Variants in NEGR1 observed in about 807,000 individuals in gnomAD.
The protein encoded by NEGR1 is neuronal growth regulator 1.
Under a neutral mutation model 40.9 loss-of-function variants are expected in NEGR1, and 10 were observed. The ratio of observed to expected loss-of-function variants is 0.24; its 90% CI spans 0.15 to 0.42. The LOEUF is 0.42. NEGR1 is among the 10% of genes least tolerant of loss of function. The probability of loss-of-function intolerance (pLI) is 1.00; values close to 1 mark genes in which losing one functional copy is unlikely to be tolerated. For synonymous variants in NEGR1, 185 were observed against 166.8 expected (o/e 1.11, Z -0.84); for missense variants, 352 against 438.9 (o/e 0.80, Z 1.77).
chr1:71,985,802 A>C (rs1035148904), intron 1 of NEGR1, among the ~76,000 whole-genome samples: 4 of 152,178 alleles, frequency 2.6e-5, no homozygotes, highest in African/African-American at 9.7e-5. Flanking sequence ...GACATCTAGA[A>C]AATTAGGATA....
At chr1:72,096,301 A>G (rs1047698990) in intron 1 of NEGR1, among the ~76,000 whole-genome samples, 1 of 152,156 alleles carries the variant, frequency 6.6e-6, no homozygotes, top group African/African-American at 2.4e-5. Context: ...AAATTTGCGC[A>G]GAGAAGATAG....
At chr1:71,773,829 C>T (rs1354455145) in intron 3 of NEGR1, among the ~76,000 whole-genome samples, 3 of 152,062 alleles carry the variant, frequency 2.0e-5, no homozygotes, top group African/African-American at 7.2e-5. Flanking sequence ...TGATGTTATC[C>T]GTTATCATTA....
At chr1:71,944,113 T>C (rs1269101716) in intron 1 of NEGR1, among the ~76,000 whole-genome samples, 1 of 152,200 alleles carries the variant, frequency 6.6e-6, no homozygotes, top group Non-Finnish European at 1.5e-5. Flanking sequence ...ATGTGAGATA[T>C]TGGGATCTGG....
intron 3 of NEGR1, among the ~76,000 whole-genome samples, chr1:71,747,288 T>C (rs753673027): frequency 1.3e-5 from 2 of 152,164 alleles, no homozygotes; most frequent in Non-Finnish European, 2.9e-5. Flanking sequence ...ATATCATAGA[T>C]ATGCAGAACA....
At chr1:71,507,209 C>T (rs911795718) in intron 6 of NEGR1, among the ~76,000 whole-genome samples, 1 of 152,164 alleles carries the variant, frequency 6.6e-6, no homozygotes, top group African/African-American at 2.4e-5. Flanking sequence ...AGCAAGCCTC[C>T]TGAAGGCAAA....
intron 6 of NEGR1, among the ~76,000 whole-genome samples, chr1:71,496,390 G>T (rs1264334435): frequency 6.6e-6 from 1 of 152,146 alleles, no homozygotes. Context: ...CAGAAATGGT[G>T]ATGGGTTGAT....
chr1:71,967,825 A>T (rs1411128963), intron 1 of NEGR1, among the ~76,000 whole-genome samples: 1 of 152,212 alleles, frequency 6.6e-6, no homozygotes, highest in Non-Finnish European at 1.5e-5. Context: ...GTTTTCTGAA[A>T]GCCACATGAC....
At chr1:71,473,364 A>G (rs1646796155) in intron 6 of NEGR1, among the ~76,000 whole-genome samples, 1 of 152,150 alleles carries the variant, frequency 6.6e-6, no homozygotes, top group South Asian at 2.1e-4. Flanking sequence ...ATTAGCAACT[A>G]GTGGATGTCA....
intron 1 of NEGR1, among the ~76,000 whole-genome samples, chr1:72,227,227 T>A (rs1181225462): frequency 6.6e-6 from 1 of 151,980 alleles, no homozygotes; most frequent in Non-Finnish European, 1.5e-5. Context: ...TCATGAGAAT[T>A]AAAAGTAATG....
chr1:72,209,994 T>C (rs1484312369), intron 1 of NEGR1, among the ~76,000 whole-genome samples: 2 of 151,962 alleles, frequency 1.3e-5, no homozygotes, highest in Non-Finnish European at 2.9e-5. Flanking sequence ...AGACTCATTA[T>C]TCACTTGTAT....
At chr1:72,068,086 A>G (rs1201053240) in intron 1 of NEGR1, among the ~76,000 whole-genome samples, 1 of 152,174 alleles carries the variant, frequency 6.6e-6, no homozygotes, top group Non-Finnish European at 1.5e-5. Flanking sequence ...ATAGTTTAAA[A>G]CACTACATTA....
At position 72,182,753 on chromosome 1, in the gene NEGR1, T is replaced by C. The variant is rs191501414; in HGVS notation, c.176+99566A>G. 1.1e-4 allele frequency among the ~76,000 whole-genome samples: 16 copies of C among 146,082 alleles called. No homozygotes were observed. The East Asian group carries it at 3.3e-3, about 30-fold the overall frequency. On this transcript the variant is annotated intron_variant, in intron 1 of 6. Coordinates refer to ENST00000357731, the MANE Select transcript of NEGR1 (RefSeq NM_173808.3). Reference sequence around the variant, plus strand: ...AATTTTATAATTGTATTGACTGATATATATGAGTATCTGTGTGTGCGTGTG... The same window carrying C: ...AATTTTATAATTGTATTGACTGATACATATGAGTATCTGTGTGTGCGTGTG...
chr1:71,600,064 A>C (rs1649863902), intron 5 of NEGR1, among the ~76,000 whole-genome samples: 1 of 152,202 alleles, frequency 6.6e-6, no homozygotes, highest in African/African-American at 2.4e-5. Flanking sequence ...AAATCCTGAG[A>C]AGCCAGAATT....
intron 2 of NEGR1, among the ~76,000 whole-genome samples, chr1:71,934,242 C>T (rs964918004): frequency 6.6e-6 from 1 of 152,042 alleles, no homozygotes; most frequent in Non-Finnish European, 1.5e-5. Context: ...AAACGTTTTC[C>T]ATTCTCCTAG....
At chr1:71,720,193 A>C (rs1213555) in intron 3 of NEGR1, among the ~76,000 whole-genome samples, 75,207 of 152,016 alleles carry the variant, frequency 0.49, 18,964 homozygotes, top group East Asian at 0.78. Flanking sequence ...CTTTCCATTG[A>C]ACAATGTTGT....
intron 1 of NEGR1, among the ~76,000 whole-genome samples, chr1:72,030,281 G>A (rs937825156): frequency 1.3e-5 from 2 of 151,138 alleles, no homozygotes; most frequent in African/African-American, 2.4e-5. Flanking sequence ...TACAACCTCT[G>A]CCTCCCAGGA....
intron 4 of NEGR1, among the ~76,000 whole-genome samples, chr1:71,633,131 A>T (rs1651032243): frequency 6.6e-6 from 1 of 152,098 alleles, no homozygotes; most frequent in South Asian, 2.1e-4. Context: ...TTTAATATGT[A>T]ACACTCTCAG....
intron 4 of NEGR1, among the ~76,000 whole-genome samples, chr1:71,657,517 T>G (rs745811225): frequency 6.6e-6 from 1 of 152,190 alleles, no homozygotes; most frequent in East Asian, 1.9e-4. Flanking sequence ...TTTTTCTCAT[T>G]AGAAATATCC....
At chr1:71,412,132 C>T (rs1047665167) in intron 6 of NEGR1, among the ~76,000 whole-genome samples, 4 of 152,158 alleles carry the variant, frequency 2.6e-5, no homozygotes, top group African/African-American at 9.7e-5. Context: ...AACTTTACAG[C>T]CTGGCATTCA....
Sources: allele counts gnomAD v4.1 joint callset (sites outside exome capture counted in the v4.1 genomes callset), GRCh38; gene constraint gnomAD v4.1.1; transcripts MANE v1.5; gene names NCBI Gene and HGNC (gene_info 2026-07-23, HGNC 2026-07-21).